Variants in COBL observed in about 807,000 individuals in gnomAD.
COBL encodes cordon-bleu WH2 repeat protein.
In COBL, 51 loss-of-function variants were observed where a neutral mutation model predicts 98.8. The observed-to-expected ratio is 0.52, with a 90% CI of 0.41 to 0.65. The LOEUF is 0.65. Among genes scored for constraint, COBL ranks in the 30% least tolerant of loss-of-function variants. The probability of loss-of-function intolerance (pLI) is 0.00; values close to 1 mark genes in which losing one functional copy is unlikely to be tolerated. For missense variants in COBL, 1,617 were observed against 1,617.5 expected (o/e 1.00, Z 0.01); for synonymous variants, 634 against 651.7 (o/e 0.97, Z 0.41).
intron 5 of COBL, among the ~76,000 whole-genome samples, chr7:51,160,691 T>C (rs1056721400): frequency 1.3e-5 from 2 of 152,158 alleles, no homozygotes; most frequent in African/African-American, 4.8e-5. Flanking sequence ...TGTATGTGAA[T>C]AATTCAGAAT....
intron 5 of COBL, among the ~76,000 whole-genome samples, chr7:51,179,278 C>T (rs1044903369): frequency 6.6e-6 from 1 of 151,892 alleles, no homozygotes; most frequent in African/African-American, 2.4e-5. Flanking sequence ...GCTCTTTCAC[C>T]CAGGCTGGAG....
intron 9 of COBL, 123 bp downstream of exon 9, chr7:51,030,689 C>T (rs776558175): frequency 1.5e-6 from 1 of 682,738 alleles, no homozygotes; most frequent in Non-Finnish European, 2.5e-6. Context: ...CCAAACTGAC[C>T]TGGAATTCCT....
At chr7:51,304,050 C>A (rs1413273876) in intron 1 of COBL, among the ~76,000 whole-genome samples, 1 of 152,146 alleles carries the variant, frequency 6.6e-6, no homozygotes, top group Non-Finnish European at 1.5e-5. Context: ...AATGCTCCCC[C>A]AAAACCACTC....
At chr7:51,265,495 G>T (rs1423254713) in intron 1 of COBL, among the ~76,000 whole-genome samples, 1 of 152,228 alleles carries the variant, frequency 6.6e-6, no homozygotes, top group Non-Finnish European at 1.5e-5. Flanking sequence ...GTGAGGCAGG[G>T]TGTTTGCAGC....
At chr7:51,297,811 A>G (rs1222737377) in intron 1 of COBL, among the ~76,000 whole-genome samples, 1 of 152,072 alleles carries the variant, frequency 6.6e-6, no homozygotes, top group African/African-American at 2.4e-5. Context: ...ATTTGGTTAT[A>G]AAAAGTCTCC....
chr7:51,135,163 T>C (rs1044051584), intron 6 of COBL, among the ~76,000 whole-genome samples: 1 of 152,146 alleles, frequency 6.6e-6, no homozygotes. Flanking sequence ...GATTTCACCA[T>C]GTTGGCCATG....
In COBL at chr7:51,026,570, G is replaced by C. The variant is rs1386042381; in HGVS notation, c.3480C>G (p.His1160Gln). Residue 1160 changes from histidine (H) to glutamine (Q), a missense_variant, in exon 11 of 13, where the codon CAC becomes CAG. Transcript: ENST00000265136. ...CCTTCCTCAGGCTGCAGGTGCCGCT[G>C]TGCCCGCGGATAGCTGCCAGCAGTG... ...RSALLAAIRG[H>Q]SGTCSLRKVA... 6 of 1,614,140 alleles carry C rather than the reference G, an allele frequency of 3.7e-6. No individual in the cohort carries two copies. Among genetic ancestry groups the C allele is most frequent in the Non-Finnish European group, 5.1e-6 (6 of 1,180,034 alleles).
At chr7:51,214,585 CT>C (rs1053216700) in intron 2 of COBL, among the ~76,000 whole-genome samples, 2 of 152,136 alleles carry the variant, frequency 1.3e-5, no homozygotes, top group Non-Finnish European at 2.9e-5. Flanking sequence ...AATCTAGAGC[CT>C]TCTGTGTCCA....
At chr7:51,045,243 A>G (rs925291138) in intron 7 of COBL, among the ~76,000 whole-genome samples, 4 of 152,236 alleles carry the variant, frequency 2.6e-5, no homozygotes, top group African/African-American at 9.6e-5. Flanking sequence ...TAAAACTCTC[A>G]GGTCACAGAG....
chr7:51,016,664 GCATCC>G lies in COBL; in HGVS notation c.*882_*886del, dbSNP rs1470167062. 3 of 321,854 alleles carry G rather than the reference GCATCC, an allele frequency of 9.3e-6. No homozygotes were observed. Among genetic ancestry groups the G allele is most frequent in the African/African-American group, 6.3e-5 (3 of 47,336 alleles). 19.9% of individuals were successfully genotyped at this position (321,854 alleles called of 1,614,324 possible). ...TTTGATCTGAACTCTTGACAGGTGG[GCATCC>G]AACATCCCTGCTCCTTGACCCTCTG... On this transcript the variant is annotated 3_prime_UTR_variant, in exon 13 of 13. Transcript: ENST00000265136.
At chr7:51,191,215 G>A in intron 3 of COBL, 137 bp from the exon 4 acceptor site, 2 of 685,890 alleles carry the variant, frequency 2.9e-6, no homozygotes, top group Non-Finnish European at 5.0e-6. Flanking sequence ...AGTGAGTAAT[G>A]GGGGAAAACA....
intron 5 of COBL, among the ~76,000 whole-genome samples, chr7:51,157,745 T>C (rs1786330145): frequency 6.6e-6 from 1 of 152,232 alleles, no homozygotes; most frequent in South Asian, 2.1e-4. Flanking sequence ...ATGGTGACTA[T>C]AACTACTAAG....
intron 1 of COBL, among the ~76,000 whole-genome samples, chr7:51,230,812 C>T (rs1463008925): frequency 6.6e-6 from 1 of 152,234 alleles, no homozygotes; most frequent in Non-Finnish European, 1.5e-5. Context: ...GTTACTTGAA[C>T]CCTGGTGTTT....
chr7:51,253,041 G>A (rs1336498414), intron 1 of COBL, among the ~76,000 whole-genome samples: 1 of 152,014 alleles, frequency 6.6e-6, no homozygotes. Flanking sequence ...TGCTCAACAT[G>A]ACAAAACCCC....
At chr7:51,158,048 G>C (rs1157462711) in intron 5 of COBL, among the ~76,000 whole-genome samples, 1 of 152,186 alleles carries the variant, frequency 6.6e-6, no homozygotes, top group Admixed American at 6.5e-5. Flanking sequence ...AGGAAGAAGA[G>C]AGCCAGTTGT....
intron 6 of COBL, among the ~76,000 whole-genome samples, chr7:51,124,986 G>A (rs536440517): frequency 1.1e-4 from 16 of 152,078 alleles, no homozygotes; most frequent in African/African-American, 3.1e-4. Context: ...TAATTTCTTC[G>A]TATTTTTAGT....
intron 1 of COBL, among the ~76,000 whole-genome samples, chr7:51,264,521 A>C (rs1001352137): frequency 9.2e-5 from 14 of 151,822 alleles, no homozygotes; most frequent in Non-Finnish European, 4.4e-5. Context: ...AAATACAAAA[A>C]TTAGCCGGTC....
intron 1 of COBL, among the ~76,000 whole-genome samples, chr7:51,292,740 A>G: frequency 6.6e-6 from 1 of 152,220 alleles, no homozygotes; most frequent in Non-Finnish European, 1.5e-5. Context: ...AGAGCCTAGA[A>G]AGCAAAGCTC....
At chr7:51,182,133 G>A (rs1431805619) in intron 5 of COBL, among the ~76,000 whole-genome samples, 1 of 152,122 alleles carries the variant, frequency 6.6e-6, no homozygotes, top group Non-Finnish European at 1.5e-5. Context: ...ATGAGGAATG[G>A]TGGATTTTAC....
Sources: allele counts gnomAD v4.1 joint callset (sites outside exome capture counted in the v4.1 genomes callset), GRCh38; gene constraint gnomAD v4.1.1; transcripts MANE v1.5; gene names NCBI Gene and HGNC (gene_info 2026-07-23, HGNC 2026-07-21).